The following TTC29 variants were observed in gnomAD, a reference collection of about 807,000 sequenced individuals.
TTC29 encodes the protein tetratricopeptide repeat protein 29.
Under a neutral mutation model 58.1 loss-of-function variants are expected in TTC29, and 49 were observed. The ratio of observed to expected loss-of-function variants is 0.84; its 90% CI spans 0.67 to 1.07. TTC29 has a LOEUF of 1.07. Among genes scored for constraint, TTC29 ranks in the 50% least tolerant of loss-of-function variants. The pLI is 0.00. For synonymous variants in TTC29, 209 were observed against 196.8 expected, an observed-to-expected ratio of 1.06 and a Z score of -0.52; for missense variants, 582 against 555.6, an observed-to-expected ratio of 1.05 and a Z score of -0.48.
chr4:146,902,051 T>C (rs932317365), intron 6 of TTC29, among the ~76,000 whole-genome samples: 2 of 152,214 alleles, frequency 1.3e-5, no homozygotes, highest in Non-Finnish European at 2.9e-5. Context: ...TGGGATACTA[T>C]AGATTGCACT....
intron 8 of TTC29, among the ~76,000 whole-genome samples, chr4:146,864,306 T>C (rs1011664583): frequency 6.6e-6 from 1 of 152,280 alleles, no homozygotes; most frequent in Non-Finnish European, 1.5e-5. Context: ...CCTCACCTCC[T>C]ATACTTAGCC....
chr4:146,707,418 G>T, intron 12 of TTC29, 67 bp downstream of exon 12: 1 of 1,137,152 alleles, frequency 8.8e-7, no homozygotes, highest in South Asian at 1.4e-5. Flanking sequence ...TTTGGAGAAT[G>T]AGATTATGCT....
intron 6 of TTC29, among the ~76,000 whole-genome samples, chr4:146,889,555 T>C (rs1732213534): frequency 6.6e-6 from 1 of 152,090 alleles, no homozygotes; most frequent in Non-Finnish European, 1.5e-5. Context: ...ACATCTCTAT[T>C]AATTTTTAAT....
intron 11 of TTC29, among the ~76,000 whole-genome samples, chr4:146,789,437 A>G (rs931309190): frequency 6.6e-6 from 1 of 152,014 alleles, no homozygotes; most frequent in Non-Finnish European, 1.5e-5. Flanking sequence ...AACACCACCT[A>G]CCCCTCATCA....
intron 11 of TTC29, among the ~76,000 whole-genome samples, chr4:146,765,205 T>C (rs1747214957): frequency 6.6e-6 from 1 of 152,172 alleles, no homozygotes; most frequent in African/African-American, 2.4e-5. Context: ...AATTCTCTGC[T>C]ATTTAAAAAA....
At chr4:146,760,798 T>A (rs1053755519) in intron 11 of TTC29, among the ~76,000 whole-genome samples, 15 of 127,254 alleles carry the variant, frequency 1.2e-4, no homozygotes, top group Admixed American at 3.5e-4. Flanking sequence ...TATGATGGAA[T>A]ACTATATATA....
chr4:146,923,524 T>A (rs1734733823), intron 4 of TTC29, among the ~76,000 whole-genome samples: 1 of 151,860 alleles, frequency 6.6e-6, no homozygotes, highest in African/African-American at 2.4e-5. Flanking sequence ...AAAGTTTCTT[T>A]ATCTTGGTAA....
intron 11 of TTC29, among the ~76,000 whole-genome samples, chr4:146,723,937 C>A (rs1308412801): frequency 2.0e-5 from 3 of 152,184 alleles, no homozygotes; most frequent in Admixed American, 6.6e-5. Flanking sequence ...ATGTTTATTG[C>A]AGCTTTGTTC....
At chr4:146,857,241 A>C (rs536381192) in intron 8 of TTC29, among the ~76,000 whole-genome samples, 1 of 148,988 alleles carries the variant, frequency 6.7e-6, no homozygotes, top group South Asian at 2.1e-4. Context: ...TTATGAAATG[A>C]AAATAAGGTA....
chr4:146,925,291 G>A (rs936261062), intron 4 of TTC29, among the ~76,000 whole-genome samples: 8 of 152,004 alleles, frequency 5.3e-5, no homozygotes, highest in Admixed American at 5.2e-4. Context: ...AAAGAGTGAT[G>A]TTGGAATCTC....
intron 11 of TTC29, among the ~76,000 whole-genome samples, chr4:146,744,875 A>C (rs1745424977): frequency 6.6e-6 from 1 of 152,174 alleles, no homozygotes; most frequent in African/African-American, 2.4e-5. Context: ...TAGCTTCCCC[A>C]ACAAGACGTG....
chr4:146,765,455 C>T (rs1747232480), intron 11 of TTC29, among the ~76,000 whole-genome samples: 1 of 152,112 alleles, frequency 6.6e-6, no homozygotes, highest in Admixed American at 6.5e-5. Flanking sequence ...CCTGCCTTGG[C>T]CTCCCAAAGT....
At chr4:146,869,475 G>A (rs1236034890) in intron 7 of TTC29, among the ~76,000 whole-genome samples, 3 of 152,134 alleles carry the variant, frequency 2.0e-5, no homozygotes, top group Admixed American at 1.3e-4. Flanking sequence ...ATTCAGCTGG[G>A]CCCTAACTTT....
At chr4:146,831,491 T>C (rs67138779) in intron 9 of TTC29, 39,475 of 173,842 alleles carry the variant, frequency 0.23, 4,817 homozygotes, top group East Asian at 0.3. Context: ...CTAAGGCACA[T>C]TGGCAGGCTG....
chr4:146,827,803 T>C (rs1727909341), intron 9 of TTC29, among the ~76,000 whole-genome samples: 1 of 152,156 alleles, frequency 6.6e-6, no homozygotes, highest in Non-Finnish European at 1.5e-5. Flanking sequence ...CTACTTGACA[T>C]TGTCTACCAC....
At chr4:146,935,064 T>A (rs1311889693) in intron 4 of TTC29, among the ~76,000 whole-genome samples, 1 of 152,000 alleles carries the variant, frequency 6.6e-6, no homozygotes, top group Non-Finnish European at 1.5e-5. Context: ...GTGAGATCGA[T>A]CCAATGAAAA....
intron 10 of TTC29, among the ~76,000 whole-genome samples, chr4:146,814,468 G>T (rs13149141): frequency 2.0e-5 from 3 of 149,566 alleles, no homozygotes; most frequent in African/African-American, 7.4e-5. Context: ...TGGCTCATAC[G>T]TATAATCCCA....
chr4:146,742,282 A>G (rs1364912062), intron 11 of TTC29, among the ~76,000 whole-genome samples: 3 of 152,100 alleles, frequency 2.0e-5, no homozygotes, highest in Non-Finnish European at 4.4e-5. Flanking sequence ...ACACTTCGTG[A>G]CACTAGACTC....
intron 5 of TTC29, among the ~76,000 whole-genome samples, chr4:146,905,324 G>GTGTA (rs1733447453): frequency 1.4e-5 from 2 of 147,208 alleles, no homozygotes; most frequent in South Asian, 2.1e-4. Context: ...TTAATAAAAA[G>GTGTA]TATATATATA....
Sources: gnomAD v4.1 joint callset for allele counts (sites outside exome capture counted in the v4.1 genomes callset) on GRCh38, gnomAD v4.1.1 for gene constraint, MANE v1.5 for transcripts, NCBI Gene and HGNC (gene_info 2026-07-23, HGNC 2026-07-21) for gene names.